Variants in HECW1 observed in about 807,000 individuals in gnomAD.
The protein encoded by HECW1 is E3 ubiquitin-protein ligase HECW1.
A neutral mutation model predicts 182.3 loss-of-function variants in HECW1; 61 were observed. The ratio of observed to expected loss-of-function variants is 0.33; its 90% confidence interval spans 0.27 to 0.41. The LOEUF (loss-of-function observed/expected upper bound fraction) is 0.41, where lower values mean the gene tolerates loss of function less well. HECW1 is among the 10% of genes least tolerant of loss of function. The pLI is 1.00. For missense variants in HECW1, 1,739 were observed against 2,108.9 expected (o/e 0.82, Z 3.44); for synonymous variants, 859 against 832.6 (o/e 1.03, Z -0.55).
chr7:43,527,926 A>AT (rs1462352906), intron 24 of HECW1, among the ~76,000 whole-genome samples: 1 of 152,246 alleles, frequency 6.6e-6, no homozygotes, highest in Admixed American at 6.5e-5. Flanking sequence ...TTCACAAAAA[A>AT]GTCAACCTGG....
At chr7:43,433,097 T>C (rs564036069) in intron 8 of HECW1, among the ~76,000 whole-genome samples, 1 of 152,324 alleles carries the variant, frequency 6.6e-6, no homozygotes, top group South Asian at 2.1e-4. Flanking sequence ...TTGGCTACCA[T>C]ATCTAGGGGA....
chr7:43,335,807 T>C (rs997346692), intron 5 of HECW1, among the ~76,000 whole-genome samples: 15 of 151,280 alleles, frequency 9.9e-5, no homozygotes, highest in African/African-American at 3.6e-4. Context: ...TTCCATCTCT[T>C]TCCTTTTCTT....
Position 43,114,260 on chromosome 7 carries a change from G to A in HECW1, c.-163G>A, listed in dbSNP as rs1316068399. On this transcript the variant is annotated 5_prime_UTR_variant, in exon 2 of 30. It removes the in-frame stop codon of an upstream open reading frame in the 5' UTR. Coordinates refer to ENST00000395891, the MANE Select transcript of HECW1 (RefSeq NM_015052.5). ...TTTCCTGGGATTTAAACGCGATTTA[G>A]GAGGGCAGATGCCCTACCCGAAAAG... 3.7e-6 allele frequency: 5 copies of A among 1,363,578 alleles called. No individual in the cohort carries two copies. Among genetic ancestry groups the A allele is most frequent in the Non-Finnish European group, 1.9e-6 (2 of 1,034,794 alleles). The allele number at this position is 1,363,578 out of a possible 1,614,324, so 84.5% of individuals were successfully genotyped here. A position where few individuals can be genotyped will look rare whatever the true frequency, so the allele number is the denominator to read the frequency against.
intron 6 of HECW1, among the ~76,000 whole-genome samples, chr7:43,364,513 T>C (rs930254067): frequency 6.6e-6 from 1 of 152,208 alleles, no homozygotes; most frequent in African/African-American, 2.4e-5. Flanking sequence ...TGTGCTGATG[T>C]ATAGAGAAAG....
Position 43,441,982 on chromosome 7 carries a change from C to CGAATTTT in HECW1, c.945-530_945-524dup, listed in dbSNP as rs551811928. Among the ~76,000 whole-genome samples the CGAATTTT allele has an allele frequency of 6.5e-4, 99 of 152,280 alleles. 3 individuals are homozygous for CGAATTTT. In the South Asian group the frequency reaches 0.02, roughly 31 times the overall value. On this transcript the variant is annotated intron_variant, in intron 9 of 29. Transcript: ENST00000395891. ...AATGAATTCAGCAGAAACCATACAT[C>CGAATTTT]GAATTTTGAATTTTGAATTTTGATC...
At chr7:43,268,784 GT>G (rs934959231) in intron 3 of HECW1, among the ~76,000 whole-genome samples, 1 of 151,842 alleles carries the variant, frequency 6.6e-6, no homozygotes, top group African/African-American at 2.4e-5. Context: ...TTGTTTGTTT[GT>G]TTTTTTAACA....
intron 28 of HECW1, among the ~76,000 whole-genome samples, chr7:43,552,916 T>G (rs2152960088): frequency 6.6e-6 from 1 of 152,308 alleles, no homozygotes; most frequent in East Asian, 1.9e-4. Flanking sequence ...CGTCCTCATA[T>G]TGGTCGAGTC....
chr7:43,162,089 G>C (rs1167431670), intron 2 of HECW1, among the ~76,000 whole-genome samples: 1 of 152,338 alleles, frequency 6.6e-6, no homozygotes, highest in African/African-American at 2.4e-5. Flanking sequence ...CCACTTTAGT[G>C]AACATCAAGA....
chr7:43,535,932 A>C (rs2081163027), intron 24 of HECW1, among the ~76,000 whole-genome samples: 1 of 152,246 alleles, frequency 6.6e-6, no homozygotes, highest in African/African-American at 2.4e-5. Context: ...TGATGATACC[A>C]AAAACAAAAA....
intron 6 of HECW1, among the ~76,000 whole-genome samples, chr7:43,392,954 A>G (rs1338485011): frequency 6.6e-6 from 1 of 152,200 alleles, no homozygotes; most frequent in African/African-American, 2.4e-5. Context: ...AACTTTTCAA[A>G]AGGCAATTGT....
At chr7:43,255,364 T>C (rs193249727) in intron 3 of HECW1, among the ~76,000 whole-genome samples, 1 of 152,286 alleles carries the variant, frequency 6.6e-6, no homozygotes, top group African/African-American at 2.4e-5. Context: ...TTTTGGAGGC[T>C]GAGGTGGGTG....
chr7:43,250,603 G>A (rs1253536992), intron 3 of HECW1, among the ~76,000 whole-genome samples: 1 of 152,180 alleles, frequency 6.6e-6, no homozygotes, highest in Non-Finnish European at 1.5e-5. Context: ...CGTCCTGTGT[G>A]TACCTGCCCT....
intron 8 of HECW1, among the ~76,000 whole-genome samples, chr7:43,428,084 G>A (rs2076419317): frequency 1.3e-5 from 2 of 152,154 alleles, no homozygotes; most frequent in South Asian, 4.1e-4. Flanking sequence ...ACAGGGGGCA[G>A]GAATCTTGAG....
intron 21 of HECW1, among the ~76,000 whole-genome samples, chr7:43,505,095 A>G (rs1036147919): frequency 9.2e-5 from 14 of 152,108 alleles, no homozygotes; most frequent in African/African-American, 3.1e-4. Context: ...CTCCCCTTCT[A>G]TCATCCTTAA....
intron 4 of HECW1, among the ~76,000 whole-genome samples, chr7:43,313,993 G>T (rs1274752327): frequency 6.6e-6 from 1 of 152,070 alleles, no homozygotes; most frequent in Non-Finnish European, 1.5e-5. Context: ...TTTTGGTTTG[G>T]TTTTTTATTG....
chr7:43,505,239 T>A (rs2152926475), intron 21 of HECW1, among the ~76,000 whole-genome samples: 1 of 152,334 alleles, frequency 6.6e-6, no homozygotes, highest in South Asian at 2.1e-4. Context: ...TCAGTGAATG[T>A]CACCGCAGGG....
At chr7:43,344,611 A>G (rs911280171) in intron 5 of HECW1, among the ~76,000 whole-genome samples, 1 of 151,806 alleles carries the variant, frequency 6.6e-6, no homozygotes, top group African/African-American at 2.4e-5. Context: ...TAGCACCATC[A>G]TCTCTCTGCT....
chr7:43,279,169 T>C (rs1803571299), intron 3 of HECW1, among the ~76,000 whole-genome samples: 1 of 152,214 alleles, frequency 6.6e-6, no homozygotes, highest in Non-Finnish European at 1.5e-5. Flanking sequence ...TTGTGCTATG[T>C]GTAAGGGCAT....
chr7:43,197,185 C>T (rs1450648300), intron 2 of HECW1, among the ~76,000 whole-genome samples: 1 of 151,880 alleles, frequency 6.6e-6, no homozygotes, highest in Non-Finnish European at 1.5e-5. Flanking sequence ...TCTGTGTACA[C>T]TCAAGAAAAT....
Sources: allele counts gnomAD v4.1 joint callset (sites outside exome capture counted in the v4.1 genomes callset), GRCh38; gene constraint gnomAD v4.1.1; transcripts MANE v1.5; gene names NCBI Gene and HGNC (gene_info 2026-07-23, HGNC 2026-07-21).